Variants in DMWD observed in about 807,000 individuals in gnomAD.
DMWD encodes the protein DM1 locus, WD repeat containing.
Under a neutral mutation model 45.8 loss-of-function variants are expected in DMWD, and 19 were observed. The observed-to-expected ratio is 0.41, with a 90% CI of 0.29 to 0.61. The LOEUF is 0.61. Among genes scored for constraint, DMWD ranks in the 20% least tolerant of loss-of-function variants. The pLI, the probability that DMWD is intolerant of heterozygous loss-of-function variation, is 0.25. For missense variants in DMWD, 802 were observed against 965.2 expected (o/e 0.83, Z 2.24); for synonymous variants, 515 against 440.5 (o/e 1.17, Z -2.12).
At position 45,786,275 on chromosome 19, in the gene DMWD, A is replaced by G. The variant is rs1323596432; in HGVS notation, c.1221T>C (p.Ala407=). 7 of 1,605,234 alleles carry G rather than the reference A, an allele frequency of 4.4e-6. No homozygotes were observed. Among genetic ancestry groups the G allele is most frequent in the East Asian group, 4.5e-5 (2 of 44,660 alleles). The stretch of plus-strand genomic sequence containing the variant: ...CGCCCCCGGCCGAGCCTGTGCCCGC[A>G]GCCTCGGGCTCCTCCTCCTCCTCTT... ...SGEEEEEEPE[A]AGTGSAGGAP... The change falls in exon 3 of 5, where the codon GCT becomes GCC. Residue 407 remains alanine (A), a synonymous_variant. Coordinates refer to ENST00000270223, the MANE Select transcript of DMWD (RefSeq NM_004943.2).
rs1364322421 is a variant in DMWD at position 45,792,761 on chromosome 19, G to C, written c.-5C>G. 1 of 1,125,368 alleles carries C rather than the reference G, an allele frequency of 8.9e-7. No homozygotes were observed. Among genetic ancestry groups the C allele is most frequent in the Non-Finnish European group, 1.1e-6 (1 of 919,774 alleles). The allele number at this position is 1,125,368 out of a possible 1,614,324, so 69.7% of individuals were successfully genotyped here. On this transcript the variant is annotated 5_prime_UTR_variant, in exon 1 of 5. Coordinates refer to ENST00000270223, the MANE Select transcript of DMWD (RefSeq NM_004943.2). ...CTCCGCGCCGCCCGCCGCCATCTTG[G>C]GCGCCCCCCGGGCCCCGCCACTGCC...
At position 45,792,371 on chromosome 19, in the gene DMWD, T is replaced by C; in HGVS notation, c.386A>G (p.Asn129Ser). ...LGSGGDRVCF[N>S]LGRELYFYPG... is the part of the protein sequence containing the mutation. ...GTAGAAATAGAGCTCACGGCCCAAG[T>C]TGAAGCAGACGCGGTCTCCCCCCGA... The change falls in exon 1 of 5, where the codon AAC (asparagine) becomes AGC (serine). Residue 129 changes from asparagine to serine, a missense_variant. Asn to Ser is a conservative substitution (Grantham distance 46). Coordinates refer to ENST00000270223, the MANE Select transcript of DMWD (RefSeq NM_004943.2). The C allele has an allele frequency of 1.2e-6, 2 of 1,610,312 alleles. No homozygotes were observed. The highest frequency in any genetic ancestry group is 1.7e-6 in the Non-Finnish European group (2 of 1,178,468).
chr19:45,791,623 G>A (rs1318964650), intron 1 of DMWD, among the ~76,000 whole-genome samples: 1 of 152,052 alleles, frequency 6.6e-6, no homozygotes, highest in Non-Finnish European at 1.5e-5. Flanking sequence ...TTATTACCTA[G>A]GGGCTCCGAA....
intron 3 of DMWD, 108 bp from the exon 4 acceptor site, chr19:45,784,823 A>C: frequency 6.7e-7 from 1 of 1,487,982 alleles, no homozygotes; most frequent in Non-Finnish European, 8.9e-7. Context: ...GGGACTCAGG[A>C]CTCTACGATT....
Position 45,785,980 on chromosome 19 carries a change from C to A in DMWD, c.1516G>T (p.Gly506Cys). Reference protein sequence around the residue: ...LPHPAGGGKAGGPGVAAEPGT... With the variant: ...LPHPAGGGKACGPGVAAEPGT... ...GGCTCTGCCGCCACACCCGGGCCGC[C>A]CGCCTTGCCCCCGCCAGCTGGGTGC... The change falls in exon 3 of 5, where the codon GGC (glycine) becomes TGC (cysteine). Residue 506 changes from glycine (G) to cysteine (C), a missense_variant. Physicochemically the swap from Gly to Cys is radical, Grantham distance 159. This residue lies in a region of DMWD where 303 missense variants were observed against 332.9 expected (regional missense o/e 0.91). Transcript: ENST00000270223. 6.4e-7 allele frequency: 1 copy of A among 1,570,992 alleles called. No homozygotes were observed. Among genetic ancestry groups the A allele is most frequent in the Non-Finnish European group, 8.6e-7 (1 of 1,159,822 alleles).
At position 45,784,723 on chromosome 19, in the gene DMWD, G is replaced by C. The variant is rs12983356; in HGVS notation, c.1903-8C>G. 3.0e-5 allele frequency: 49 copies of C among 1,613,036 alleles called. No individual in the cohort carries two copies. The highest frequency in any genetic ancestry group is 4.0e-5 in the Non-Finnish European group (47 of 1,179,500). The stretch of plus-strand genomic sequence containing the variant: ...GGTCTCCTCGTCTGTGAACTACGGA[G>C]ACAGAGGGGTCTCTTTTAGGACTCA... On this transcript the variant is annotated splice_region_variant and splice_polypyrimidine_tract_variant and intron_variant, in intron 3 of 4. Coordinates refer to ENST00000270223, the MANE Select transcript of DMWD (RefSeq NM_004943.2).
rs532575679 is a variant in DMWD at position 45,784,063 on chromosome 19, A to G, written c.*180T>C. ...GGACAAGGCTGAGGCCACAAGGGCTATTACATCGCCCGTGTCCGGGCCAGT... is the reference window on the plus strand; with the variant it reads ...GGACAAGGCTGAGGCCACAAGGGCTGTTACATCGCCCGTGTCCGGGCCAGT... On this transcript the variant is annotated 3_prime_UTR_variant, in exon 5 of 5. Transcript: ENST00000270223. 666 of 656,730 alleles carry G rather than the reference A, an allele frequency of 1.0e-3. 7 individuals carry two copies. In the African/African-American group the frequency reaches 0.01, roughly 10 times the overall value. The allele number at this position is 656,730 out of a possible 1,614,324, so 40.7% of individuals were successfully genotyped here. A position where few individuals can be genotyped will look rare whatever the true frequency, so the allele number is the denominator to read the frequency against.
In DMWD at chr19:45,785,939, G is replaced by A. The variant is rs774931354; in HGVS notation, c.1557C>T (p.Ser519=). ...GTGTGAGCGTGGCGAAGCGGCCAAT[G>A]CTGAATGGTGTGCCAGGCTCTGCCG... ...GVAAEPGTPF[S]IGRFATLTLQ... Residue 519 remains serine (S), a synonymous_variant, in exon 3 of 5, where the codon AGC becomes AGT. Transcript: ENST00000270223. The A allele has an allele frequency of 6.3e-6, 10 of 1,597,342 alleles. No homozygotes were observed. In the East Asian group the frequency reaches 2.0e-4, roughly 32 times the overall value.
intron 1 of DMWD, among the ~76,000 whole-genome samples, chr19:45,792,067 C>T (rs1161066481): frequency 2.6e-5 from 4 of 152,122 alleles, no homozygotes; most frequent in Non-Finnish European, 4.4e-5. Context: ...AGTCACCATC[C>T]CAGAACTCCT....
Position 45,786,791 on chromosome 19 carries a change from A to G in DMWD, c.705T>C (p.Ser235=). Residue 235 remains serine, a synonymous_variant, in exon 3 of 5, where the codon AGT becomes AGC. Coordinates refer to ENST00000270223, the MANE Select transcript of DMWD (RefSeq NM_004943.2). ...SESLFLASHA[S]GHLYLYNVSH... ...TGACGTTGTACAGGTACAGGTGGCCACTGGCGTGTGATGCCAGGAACAGGC... is the reference window on the plus strand; with the variant it reads ...TGACGTTGTACAGGTACAGGTGGCCGCTGGCGTGTGATGCCAGGAACAGGC... 6.2e-7 allele frequency: 1 copy of G among 1,614,158 alleles called. No homozygotes were observed. The highest frequency in any genetic ancestry group is 8.5e-7 in the Non-Finnish European group (1 of 1,180,040).
At chr19:45,784,765 C>A (rs1480312554) in intron 3 of DMWD, 50 bp from the exon 4 acceptor site, 1 of 1,596,452 alleles carries the variant, frequency 6.3e-7, no homozygotes, top group Admixed American at 1.7e-5. Context: ...CTCCCCAAAT[C>A]CCACCACTCT....
Position 45,783,820 on chromosome 19 carries a change from C to A in DMWD, c.*423G>T. The A allele has an allele frequency of 2.1e-6, 1 of 471,966 alleles. No individual in the cohort carries two copies. The highest frequency in any genetic ancestry group is 4.3e-5 in the South Asian group (1 of 23,312). The allele number at this position is 471,966 out of a possible 1,614,324, so 29.2% of individuals were successfully genotyped here. A position where few individuals can be genotyped will look rare whatever the true frequency, so the allele number is the denominator to read the frequency against. On this transcript the variant is annotated 3_prime_UTR_variant, in exon 5 of 5. Transcript: ENST00000270223. ...TCCATAATTTAACACTCTTCAAAAG[C>A]ACAGACAATAGCAAGGGCAGCTGGG...
At chr19:45,788,217 C>A (rs1022004645) in intron 2 of DMWD, among the ~76,000 whole-genome samples, 1 of 152,260 alleles carries the variant, frequency 6.6e-6, no homozygotes, top group Non-Finnish European at 1.5e-5. Context: ...GCCGCCACAG[C>A]GATGCTCTGT....
Position 45,785,600 on chromosome 19 carries a change from G to A in DMWD, c.1896C>T (p.Gly632=), listed in dbSNP as rs373052030. 6.7e-7 allele frequency: 1 copy of A among 1,491,392 alleles called. No homozygotes were observed. The highest frequency in any genetic ancestry group is 8.9e-7 in the Non-Finnish European group (1 of 1,118,208). The allele number at this position is 1,491,392 out of a possible 1,614,324, so 92.4% of individuals were successfully genotyped here. A position where few individuals can be genotyped will look rare whatever the true frequency, so the allele number is the denominator to read the frequency against. ...EGLICTWARP[G]KAFTDEETEA... ...CTGGTGTGGGGCCACTCACCGCCTT[G>A]CCCGGCCGGGCCCAGGTGCAGATGA... Residue 632 remains glycine (G), a synonymous_variant, in exon 3 of 5, where the codon GGC becomes GGT. Transcript: ENST00000270223.
intron 3 of DMWD, chr19:45,785,212 T>A: frequency 9.7e-7 from 1 of 1,027,894 alleles, no homozygotes; most frequent in Non-Finnish European, 1.2e-6. Flanking sequence ...TCGCCCCTAG[T>A]TTTGGCCTGA....
Position 45,792,743 on chromosome 19 carries a change from C to G in DMWD, c.14G>C (p.Gly5Ala). The part of the protein sequence containing the change: MAAG[G>A]AEGGSGPGAA... ...GCCGGGGCCCGAGCCGCCCTCCGCG[C>G]CGCCCGCCGCCATCTTGGGCGCCCC... The change falls in exon 1 of 5, where the codon GGC (glycine) becomes GCC (alanine). Residue 5 changes from glycine to alanine, a missense_variant. Coordinates refer to ENST00000270223, the MANE Select transcript of DMWD (RefSeq NM_004943.2). The G allele has an allele frequency of 6.1e-6, 7 of 1,141,646 alleles. No homozygotes were observed. The highest frequency in any genetic ancestry group is 7.5e-6 in the Non-Finnish European group (7 of 927,854). 70.7% of individuals were successfully genotyped at this position (1,141,646 alleles called of 1,614,324 possible).
At chr19:45,789,970 G>A in intron 2 of DMWD, 1 of 152,158 alleles carries the variant, frequency 6.6e-6, no homozygotes, top group East Asian at 1.9e-4. Context: ...CTAACACGGT[G>A]AAATCCCGTC....
At chr19:45,787,348 T>G in intron 2 of DMWD, 1 of 185,576 alleles carries the variant, frequency 5.4e-6, no homozygotes, top group South Asian at 9.9e-5. Context: ...CCATGAACTA[T>G]GCATGCGAGG....
chr19:45,789,940 GGA>G (rs1970332593), intron 2 of DMWD: 1 of 152,244 alleles, frequency 6.6e-6, no homozygotes, highest in Non-Finnish European at 1.5e-5. Flanking sequence ...CACGAGGTCA[GGA>G]GATCGAGACT....
Sources: allele counts gnomAD v4.1 joint callset (sites outside exome capture counted in the v4.1 genomes callset), GRCh38; gene constraint gnomAD v4.1.1; regional missense constraint gnomAD v4.1.1; transcripts MANE v1.5; gene names NCBI Gene and HGNC (gene_info 2026-07-23, HGNC 2026-07-21).